AFF2: variants seen among roughly 807,000 people sequenced by gnomAD.
The protein encoded by AFF2 is AF4/FMR2 family member 2.
Under a neutral mutation model 76.9 loss-of-function variants are expected in AFF2, and 14 were observed. That is an observed-to-expected ratio of 0.18 (90% CI 0.12 to 0.28). The LOEUF (loss-of-function observed/expected upper bound fraction) is 0.28. AFF2 is among the 10% of genes least tolerant of loss of function. The probability of loss-of-function intolerance (pLI) is 1.00; values close to 1 mark genes in which losing one functional copy is unlikely to be tolerated. For synonymous variants in AFF2, 398 were observed against 366.7 expected (o/e 1.09, Z -0.98); for missense variants, 868 against 1,001.1 (o/e 0.87, Z 1.79).
At chrX:148,956,730 A>G in intron 11 of AFF2, 117 bp downstream of exon 11, 1 of 677,351 alleles carries the variant, frequency 1.5e-6, no homozygotes, top group Non-Finnish European at 2.2e-6. Flanking sequence ...GATTTTGGCA[A>G]AGGTGATGAT....
intron 7 of AFF2, among the ~76,000 whole-genome samples, chrX:148,870,079 G>C (rs1329804536): frequency 9.0e-6 from 1 of 110,960 alleles, no homozygotes; most frequent in Non-Finnish European, 1.9e-5. Context: ...TTTCTGAATG[G>C]CAGCAATTTT....
Position 148,996,550 on chromosome X carries a change from GACAC to G in AFF2, c.*5224_*5227del, listed in dbSNP as rs1302955224. 3 of 112,219 alleles carry G rather than the reference GACAC, an allele frequency of 2.7e-5. No homozygotes were observed. The highest frequency in any genetic ancestry group is 9.7e-5 in the African/African-American group (3 of 30,838). The allele number at this position is 112,219 out of a possible 1,213,427, so 9.2% of individuals were successfully genotyped here. On this transcript the variant is annotated 3_prime_UTR_variant, in exon 21 of 21. Coordinates refer to ENST00000370460, the MANE Select transcript of AFF2 (RefSeq NM_002025.4). The stretch of plus-strand genomic sequence containing the variant: ...CATATTTAATATATGTGTTCATGTG[GACAC>G]ACACAGACACACACACACAAACTCA...
intron 3 of AFF2, among the ~76,000 whole-genome samples, chrX:148,777,732 C>A (rs1233276103): frequency 8.9e-6 from 1 of 112,305 alleles, no homozygotes; most frequent in Non-Finnish European, 1.9e-5. Context: ...AGTTGCTTAT[C>A]AACTTAAGAA....
chrX:148,767,954 G>A (rs1379352028), intron 3 of AFF2, among the ~76,000 whole-genome samples: 1 of 109,738 alleles, frequency 9.1e-6, no homozygotes, highest in Non-Finnish European at 1.9e-5. Flanking sequence ...TCTATCTGAT[G>A]AGCCTTGCCT....
intron 3 of AFF2, among the ~76,000 whole-genome samples, chrX:148,739,505 T>C (rs781795022): frequency 9.0e-6 from 1 of 111,466 alleles, no homozygotes; most frequent in South Asian, 3.8e-4. Context: ...ACCCCTTTAC[T>C]TGAAGTTTAT....
At chrX:148,829,648 C>T (rs1205026310) in intron 4 of AFF2, among the ~76,000 whole-genome samples, 3 of 112,107 alleles carry the variant, frequency 2.7e-5, no homozygotes, top group African/African-American at 9.7e-5. Context: ...ATATCTTTGA[C>T]TTTACAGAAG....
At chrX:148,656,701 C>A (rs1386922478) in intron 2 of AFF2, among the ~76,000 whole-genome samples, 2 of 107,508 alleles carry the variant, frequency 1.9e-5, no homozygotes, top group South Asian at 8.4e-4. Context: ...GGGGTTTCAC[C>A]GTTTTAGCCG....
At chrX:148,747,634 A>C (rs2055437533) in intron 3 of AFF2, among the ~76,000 whole-genome samples, 1 of 111,451 alleles carries the variant, frequency 9.0e-6, no homozygotes, top group African/African-American at 3.3e-5. Context: ...TATTTTCATT[A>C]ACAACAAATA....
At chrX:148,647,240 T>C (rs185791248) in intron 1 of AFF2, among the ~76,000 whole-genome samples, 38 of 112,649 alleles carry the variant, frequency 3.4e-4, no homozygotes, top group African/African-American at 1.1e-3. Flanking sequence ...TTACTGTAGT[T>C]GGACTGGAAA....
rs1557257963 is a variant in AFF2 at position 148,662,543 on chromosome X, A to G, written c.816A>G (p.Pro272=). 3 of 1,211,981 alleles carry G rather than the reference A, an allele frequency of 2.5e-6. No homozygotes were observed. Among genetic ancestry groups the G allele is most frequent in the South Asian group, 1.8e-5 (1 of 56,994 alleles). ...SSGLSVQNFP[P]GLYCKTSMGQ... ...GCCTTTCAGTTCAAAACTTCCCACC[A>G]GGGCTTTACTGCAAAACAAGCATGG... Residue 272 remains proline, a synonymous_variant, in exon 3 of 21, where the codon CCA becomes CCG. Coordinates refer to ENST00000370460, the MANE Select transcript of AFF2 (RefSeq NM_002025.4).
At chrX:148,630,572 G>A (rs190441272) in intron 1 of AFF2, among the ~76,000 whole-genome samples, 9 of 111,427 alleles carry the variant, frequency 8.1e-5, no homozygotes, top group Admixed American at 5.7e-4. Flanking sequence ...ACAGTAGAAC[G>A]TTTAGGACGT....
chrX:148,502,634 T>C (rs1026289503), intron 1 of AFF2, among the ~76,000 whole-genome samples: 1 of 112,745 alleles, frequency 8.9e-6, no homozygotes, highest in African/African-American at 3.2e-5. Flanking sequence ...CAATTAGATA[T>C]TATGCTTCTG....
rs565513894 is a variant in AFF2, at chrX:148,973,125, T to G, written c.3268-346T>G. Among the ~76,000 whole-genome samples, 35 of 105,786 alleles carry G rather than the reference T, an allele frequency of 3.3e-4. No homozygotes were observed. The South Asian group carries it at 0.014, about 44-fold the overall frequency. The allele number at this position is 105,786 out of a possible 115,157, so 91.9% of individuals were successfully genotyped here. A position where few individuals can be genotyped will look rare whatever the true frequency, so the allele number is the denominator to read the frequency against. On this transcript the variant is annotated intron_variant, in intron 15 of 20. Coordinates refer to ENST00000370460, the MANE Select transcript of AFF2 (RefSeq NM_002025.4). ...TTTCTGAGGGCTCTGTTCTGTTCCA[T>G]TGATCTATATCTCTGTTTTGGTACC...
chrX:148,501,277 C>T (rs1181526420), intron 1 of AFF2, 133 bp downstream of exon 1: 2 of 837,749 alleles, frequency 2.4e-6, no homozygotes, highest in Non-Finnish European at 3.4e-6. Context: ...CTCTCAGCCA[C>T]CTCTGGCCCC....
chrX:148,993,764 G>A lies in AFF2; in HGVS notation c.*2432G>A, dbSNP rs1423078444. The A allele has an allele frequency of 7.2e-5, 8 of 111,794 alleles. No individual in the cohort carries two copies. The highest frequency in any genetic ancestry group is 1.9e-4 in the Admixed American group (2 of 10,531). The allele number at this position is 111,794 out of a possible 1,213,427, so 9.2% of individuals were successfully genotyped here. On this transcript the variant is annotated 3_prime_UTR_variant, in exon 21 of 21. Transcript: ENST00000370460. ...AGCACAGTGACCAAATCTGACAATC[G>A]AGCTCTGGATCACCACTTGATTATG...
chrX:148,696,717 A>G lies in AFF2; in HGVS notation c.1041+33949A>G, dbSNP rs11798049. 4.1e-3 allele frequency among the ~76,000 whole-genome samples: 460 copies of G among 112,338 alleles called. 5 individuals carry two copies. The highest frequency in any genetic ancestry group is 6.9e-3 in the Non-Finnish European group (368 of 53,285). ...ATGTCAGTGTTGTGTTTTTAAGAAC[A>G]AGACAAGGTATGGAGAGAGTCTGTG... On this transcript the variant is annotated intron_variant, in intron 3 of 20. Transcript: ENST00000370460.
In AFF2 at chrX:148,579,385, A is replaced by G. The variant is rs544659485; in HGVS notation, c.48-72614A>G. On this transcript the variant is annotated intron_variant, in intron 1 of 20. Coordinates refer to ENST00000370460, the MANE Select transcript of AFF2 (RefSeq NM_002025.4). ...TATAGGGAGCTAAGTTTTACCTGAGATGCGCATGCACAATTTTCTCTGAGT... is the reference window on the plus strand; with the variant it reads ...TATAGGGAGCTAAGTTTTACCTGAGGTGCGCATGCACAATTTTCTCTGAGT... Among the ~76,000 whole-genome samples the G allele has an allele frequency of 2.2e-3, 245 of 111,448 alleles. 4 individuals carry two copies. In the South Asian group the frequency reaches 0.084, roughly 38 times the overall value.
At chrX:148,790,723 A>G (rs957107252) in intron 3 of AFF2, among the ~76,000 whole-genome samples, 4 of 111,328 alleles carry the variant, frequency 3.6e-5, no homozygotes, top group Non-Finnish European at 7.5e-5. Context: ...ATTAGGAAAA[A>G]TAGCTAATGC....
chrX:148,568,974 C>T (rs1733927937), intron 1 of AFF2, among the ~76,000 whole-genome samples: 1 of 111,292 alleles, frequency 9.0e-6, no homozygotes. Context: ...TGTAAGACTA[C>T]ATTTGGTAAG....
Sources: allele counts gnomAD v4.1 joint callset (sites outside exome capture counted in the v4.1 genomes callset), GRCh38; gene constraint gnomAD v4.1.1; transcripts MANE v1.5; gene names NCBI Gene and HGNC (gene_info 2026-07-23, HGNC 2026-07-21).